The following TEX11 variants were observed in gnomAD, a reference collection of about 807,000 sequenced individuals.
TEX11 encodes testis expressed 11.
A neutral mutation model predicts 84.4 loss-of-function variants in TEX11; 7 were observed. The observed-to-expected ratio is 0.08, with a 90% CI of 0.05 to 0.16. TEX11 has a LOEUF of 0.16. TEX11 is among the 10% of genes least tolerant of loss of function. The probability of loss-of-function intolerance (pLI) is 1.00; values close to 1 mark genes in which losing one functional copy is unlikely to be tolerated. For missense variants in TEX11, 551 were observed against 660.5 expected, an observed-to-expected ratio of 0.83 and a Z score of 1.82; for synonymous variants, 264 against 222.8, an observed-to-expected ratio of 1.18 and a Z score of -1.64.
intron 9 of TEX11, among the ~76,000 whole-genome samples, chrX:70,793,389 G>T (rs970787005): frequency 8.9e-6 from 1 of 111,819 alleles, no homozygotes; most frequent in African/African-American, 3.3e-5. Flanking sequence ...TCCAGTGTTG[G>T]AGATAGGGCC....
chrX:70,511,559 A>C, the TEX11 span, among the ~76,000 whole-genome samples: 1,039 of 101,838 alleles, frequency 0.01, 9 homozygotes, highest in African/African-American at 0.016. Flanking sequence ...TCGAGACCAA[A>C]TTGGCCAACA....
At chrX:70,522,503 G>A in the TEX11 span, among the ~76,000 whole-genome samples, 1 of 111,543 alleles carries the variant, frequency 9.0e-6, no homozygotes, top group African/African-American at 3.3e-5. Context: ...CGTAAAAGGA[G>A]GGGTATTTAA....
chrX:70,672,412 A>T (rs938868876), intron 15 of TEX11, among the ~76,000 whole-genome samples: 1 of 112,149 alleles, frequency 8.9e-6, no homozygotes, highest in African/African-American at 3.2e-5. Context: ...GGGCAAGTTT[A>T]ACATTTTAGA....
At chrX:70,515,276 C>T in the TEX11 span, among the ~76,000 whole-genome samples, 83 of 107,476 alleles carry the variant, frequency 7.7e-4, no homozygotes, top group Admixed American at 3.3e-3. Context: ...CCACCCCCCC[C>T]CACCCCACAA....
At chrX:70,812,581 C>T (rs1257432332) in intron 8 of TEX11, among the ~76,000 whole-genome samples, 1 of 110,682 alleles carries the variant, frequency 9.0e-6, no homozygotes, top group Non-Finnish European at 1.9e-5. Context: ...GCCAGTTTTC[C>T]CAGCACCATT....
intron 7 of TEX11, among the ~76,000 whole-genome samples, chrX:70,837,655 C>G (rs1240797315): frequency 3.6e-5 from 4 of 110,853 alleles, no homozygotes; most frequent in Non-Finnish European, 5.7e-5. Flanking sequence ...GTGAAAACAA[C>G]CAATATGAAA....
At chrX:70,514,429 T>C in the TEX11 span, among the ~76,000 whole-genome samples, 1 of 109,902 alleles carries the variant, frequency 9.1e-6, no homozygotes, top group Non-Finnish European at 1.9e-5. Context: ...ACCCCGTCTC[T>C]ACTAAAAATA....
chrX:70,903,324 G>C (rs2091813425), intron 2 of TEX11, among the ~76,000 whole-genome samples: 1 of 111,154 alleles, frequency 9.0e-6, no homozygotes, highest in African/African-American at 3.3e-5. Context: ...AAATGTACGT[G>C]CTATAGTTTT....
In TEX11 at chrX:70,733,801, T is replaced by G. The variant is rs1403564757; in HGVS notation, c.843+6900A>C. ...CCATTTGACCCAGCCATCCCATTAC[T>G]GGGTATATACCCAAAGGACTATAAA... On this transcript the variant is annotated intron_variant, in intron 11 of 29. Coordinates refer to ENST00000374333, the MANE Select transcript of TEX11 (RefSeq NM_031276.3). 6.3e-5 allele frequency among the ~76,000 whole-genome samples: 7 copies of G among 111,864 alleles called. No homozygotes were observed. In the East Asian group the frequency reaches 2.0e-3, roughly 32 times the overall value.
intron 9 of TEX11, among the ~76,000 whole-genome samples, chrX:70,754,771 A>C (rs200674630): frequency 9.3e-6 from 1 of 107,613 alleles, no homozygotes; most frequent in Non-Finnish European, 1.9e-5. Flanking sequence ...GAAAGAGAGA[A>C]AGAGAGAGAG....
chrX:70,811,900 G>A (rs1191330538), intron 8 of TEX11, among the ~76,000 whole-genome samples: 1 of 111,815 alleles, frequency 8.9e-6, no homozygotes, highest in Non-Finnish European at 1.9e-5. Flanking sequence ...AAATTTGTTT[G>A]AGTTCTTTGT....
Position 70,645,595 on chromosome X carries a change from T to C in TEX11, c.1483+5855A>G, listed in dbSNP as rs2089731781. Among the ~76,000 whole-genome samples, 3 of 111,436 alleles carry C rather than the reference T, an allele frequency of 2.7e-5. No individual in the cohort carries two copies. In the South Asian group the frequency reaches 1.1e-3, roughly 41 times the overall value. On this transcript the variant is annotated intron_variant, in intron 17 of 29. Transcript: ENST00000374333. ...AAGTGAATTCAATTAAGTAGCAAGA[T>C]ACAAAATCAATATACACAAAGTAGT...
At chrX:70,817,271 A>G (rs1261386438) in intron 8 of TEX11, among the ~76,000 whole-genome samples, 1 of 109,524 alleles carries the variant, frequency 9.1e-6, no homozygotes, top group Non-Finnish European at 1.9e-5. Flanking sequence ...ACACACACAC[A>G]CACACACACA....
intron 28 of TEX11, among the ~76,000 whole-genome samples, chrX:70,544,268 C>T (rs1422026965): frequency 8.9e-6 from 1 of 112,028 alleles, no homozygotes. Flanking sequence ...ATTCTCAGCA[C>T]TTTGGGAGAC....
intron 17 of TEX11, among the ~76,000 whole-genome samples, chrX:70,640,564 G>T (rs781358296): frequency 2.7e-5 from 3 of 110,693 alleles, no homozygotes; most frequent in Non-Finnish European, 3.8e-5. Context: ...GACTAACAGC[G>T]GATCTCTCGG....
Position 70,684,783 on chromosome X carries a change from C to T in TEX11, c.1005-1958G>A, listed in dbSNP as rs189687530. Among the ~76,000 whole-genome samples the T allele has an allele frequency of 2.9e-3, 320 of 111,825 alleles. 3 individuals carry two copies. In the East Asian group the frequency reaches 0.041, roughly 14 times the overall value. ...CTATCTTAAGTCCAATGGCATTTTT[C>T]ACAGAAATAGAAAAGCTAATATTAA... On this transcript the variant is annotated intron_variant, in intron 13 of 29. Transcript: ENST00000374333.
chrX:70,533,489 G>A (rs917890384), intron 28 of TEX11, among the ~76,000 whole-genome samples: 1 of 111,514 alleles, frequency 9.0e-6, no homozygotes, highest in Non-Finnish European at 1.9e-5. Flanking sequence ...TTCATAGTTG[G>A]GTGGTAAGAG....
intron 18 of TEX11, among the ~76,000 whole-genome samples, chrX:70,627,054 T>C (rs2089458139): frequency 8.9e-6 from 1 of 112,065 alleles, no homozygotes; most frequent in African/African-American, 3.2e-5. Context: ...TGCTGATAGG[T>C]CAAATACAAT....
At chrX:70,611,813 G>A (rs970998031) in intron 20 of TEX11, among the ~76,000 whole-genome samples, 6 of 111,465 alleles carry the variant, frequency 5.4e-5, no homozygotes, top group African/African-American at 2.0e-4. Flanking sequence ...CAGAGGTATA[G>A]GCTTGCTAAA....
Sources: gnomAD v4.1 joint callset for allele counts (sites outside exome capture counted in the v4.1 genomes callset) on GRCh38, gnomAD v4.1.1 for gene constraint, MANE v1.5 for transcripts, NCBI Gene and HGNC (gene_info 2026-07-23, HGNC 2026-07-21) for gene names.